Variants in CRIM1 observed in about 807,000 individuals in gnomAD.
CRIM1 encodes cysteine-rich motor neuron 1 protein.
CRIM1 carries 32 observed loss-of-function variants against 116.4 expected under a neutral mutation model. The observed-to-expected ratio is 0.27, with a 90% confidence interval of 0.21 to 0.37. The LOEUF (loss-of-function observed/expected upper bound fraction) is 0.37. Ranked by LOEUF, CRIM1 falls within the 10% of genes least tolerant of loss-of-function variation. The pLI is 1.00. For missense variants in CRIM1, 1,331 were observed against 1,354.8 expected (o/e 0.98, Z 0.28); for synonymous variants, 590 against 509.2 (o/e 1.16, Z -2.13).
chr2:36,411,374 A>G (rs1415088278), intron 2 of CRIM1, among the ~76,000 whole-genome samples: 9 of 152,214 alleles, frequency 5.9e-5, no homozygotes, highest in Admixed American at 5.2e-4. Context: ...TCCTTTTGAT[A>G]TATCAAGAAC....
rs1670501317 is a variant in CRIM1, at chr2:36,378,656, A to G, written c.332-17958A>G. On this transcript the variant is annotated intron_variant, in intron 1 of 16. Coordinates refer to ENST00000280527, the MANE Select transcript of CRIM1 (RefSeq NM_016441.3). ...TGGGGACTGCTGTCCTAAAGGTAAA[A>G]GATTTTGATCCAGAGGTTGGATTGT... 11 of 201,788 alleles carry G rather than the reference A, an allele frequency of 5.5e-5. No individual in the cohort carries two copies. The South Asian group carries it at 1.1e-3, about 20-fold the overall frequency. 12.5% of individuals were successfully genotyped at this position (201,788 alleles called of 1,614,324 possible).
At chr2:36,498,575 C>T (rs1680764139) in intron 7 of CRIM1, among the ~76,000 whole-genome samples, 1 of 152,106 alleles carries the variant, frequency 6.6e-6, no homozygotes, top group African/African-American at 2.4e-5. Context: ...GTTTAGTGCC[C>T]TTATTCCCAG....
intron 1 of CRIM1, among the ~76,000 whole-genome samples, chr2:36,368,864 A>C (rs1276209120): frequency 2.0e-5 from 3 of 152,204 alleles, no homozygotes; most frequent in Non-Finnish European, 2.9e-5. Flanking sequence ...CAATCTGTGA[A>C]ATTGTTAAAA....
chr2:36,372,792 A>G (rs1187325134), intron 1 of CRIM1, among the ~76,000 whole-genome samples: 2 of 152,112 alleles, frequency 1.3e-5, no homozygotes, highest in Non-Finnish European at 2.9e-5. Flanking sequence ...AGATCCTTTT[A>G]TTGGTCATCA....
At chr2:36,493,589 C>A (rs1204649297) in intron 7 of CRIM1, among the ~76,000 whole-genome samples, 1 of 152,216 alleles carries the variant, frequency 6.6e-6, no homozygotes, top group East Asian at 1.9e-4. Flanking sequence ...TACTCAAGAA[C>A]TGCTAATTGG....
intron 8 of CRIM1, among the ~76,000 whole-genome samples, chr2:36,501,157 G>C (rs1348913799): frequency 6.6e-6 from 1 of 152,118 alleles, no homozygotes; most frequent in Admixed American, 6.5e-5. Context: ...CTCACACACA[G>C]TACTGGTTCT....
chr2:36,523,579 C>T (rs970574523), intron 13 of CRIM1, among the ~76,000 whole-genome samples: 10 of 152,216 alleles, frequency 6.6e-5, no homozygotes, highest in Non-Finnish European at 8.8e-5. Flanking sequence ...TCCAGTAAAG[C>T]TCAAAGTCAA....
Position 36,430,029 on chromosome 2 carries a change from G to C in CRIM1, c.506-11229G>C, listed in dbSNP as rs574923598. ...GGAGTGTAAGTACTGTACCTCCTGT[G>C]TTTGGGACCAAGGGTGTATCTAGCC... is the stretch of plus-strand genomic sequence containing the variant. On this transcript the variant is annotated intron_variant, in intron 2 of 16. Coordinates refer to ENST00000280527, the MANE Select transcript of CRIM1 (RefSeq NM_016441.3). Among the ~76,000 whole-genome samples the C allele has an allele frequency of 3.9e-5, 6 of 152,342 alleles. No individual in the cohort carries two copies. In the South Asian group the frequency reaches 1.2e-3, roughly 32 times the overall value.
chr2:36,532,041 A>G, intron 13 of CRIM1: 1 of 469,162 alleles, frequency 2.1e-6, no homozygotes, highest in Non-Finnish European at 4.4e-6. Flanking sequence ...GCCAAAAGTC[A>G]TTTCAAACTG....
intron 4 of CRIM1, among the ~76,000 whole-genome samples, chr2:36,446,231 G>T (rs1436028019): frequency 6.6e-6 from 1 of 152,088 alleles, no homozygotes; most frequent in African/African-American, 2.4e-5. Context: ...CATCCAAATG[G>T]AATTGCCCTT....
chr2:36,468,197 C>G (rs892696044), intron 5 of CRIM1, among the ~76,000 whole-genome samples: 1 of 152,178 alleles, frequency 6.6e-6, no homozygotes, highest in African/African-American at 2.4e-5. Flanking sequence ...CACTGCCGCA[C>G]TCACTTCCTA....
rs1222847496 is a variant in CRIM1, at chr2:36,547,092, C to T, written c.2855C>T (p.Ser952Phe). 11 of 1,611,978 alleles carry T rather than the reference C, an allele frequency of 6.8e-6. No homozygotes were observed. In the South Asian group the frequency reaches 1.2e-4, roughly 18 times the overall value. ...GTGGTTCCCATAATTATATGCCTCT[C>T]TATTATAATAGCATTCCTATTCATC... ...SVVVPIIICLSIIIAFLFINQ... is the reference protein window; with the variant it reads ...SVVVPIIICLFIIIAFLFINQ... The change falls in exon 16 of 17, where the codon TCT (serine) becomes TTT (phenylalanine). Residue 952 changes from serine to phenylalanine, a missense_variant. Ser to Phe is a radical substitution (Grantham distance 155, BLOSUM62 -2). Transcript: ENST00000280527.
chr2:36,484,889 T>G (rs1256699644), intron 7 of CRIM1, among the ~76,000 whole-genome samples: 2 of 152,222 alleles, frequency 1.3e-5, no homozygotes, highest in Non-Finnish European at 2.9e-5. Flanking sequence ...AATGGGTAGT[T>G]TCCCCTCTAC....
chr2:36,395,296 C>A (rs932772539), intron 1 of CRIM1, among the ~76,000 whole-genome samples: 12 of 152,104 alleles, frequency 7.9e-5, no homozygotes, highest in Non-Finnish European at 1.5e-4. Context: ...GCCACCACTC[C>A]CAGCCAAAAA....
At chr2:36,499,424 C>T (rs1193302816) in intron 8 of CRIM1, 77 bp downstream of exon 8, 1 of 1,434,612 alleles carries the variant, frequency 7.0e-7, no homozygotes, top group Non-Finnish European at 9.6e-7. Context: ...AATTGAATAT[C>T]TTTTTCACTT....
chr2:36,520,617 T>C (rs1665323060), intron 12 of CRIM1, among the ~76,000 whole-genome samples: 1 of 152,232 alleles, frequency 6.6e-6, no homozygotes, highest in Admixed American at 6.5e-5. Flanking sequence ...TTATGCCTGC[T>C]GCCTTTGGGA....
chr2:36,544,122 G>A (rs770253482), intron 14 of CRIM1, among the ~76,000 whole-genome samples: 12 of 152,252 alleles, frequency 7.9e-5, no homozygotes, highest in South Asian at 2.1e-4. Context: ...ACCATTTGAC[G>A]TGAAAAAGCA....
intron 13 of CRIM1, among the ~76,000 whole-genome samples, chr2:36,534,548 AGAGG>A (rs768163679): frequency 2.8e-5 from 3 of 108,410 alleles, no homozygotes; most frequent in Non-Finnish European, 5.5e-5. Context: ...AGGAAGGGAG[AGAGG>A]GAGGGACAGG....
chr2:36,475,447 G>A (rs147062441), intron 5 of CRIM1, among the ~76,000 whole-genome samples: 14 of 152,254 alleles, frequency 9.2e-5, no homozygotes, highest in African/African-American at 2.9e-4. Flanking sequence ...CAACCTTGTT[G>A]AACTTGTTTA....
Sources: allele counts gnomAD v4.1 joint callset (sites outside exome capture counted in the v4.1 genomes callset), GRCh38; gene constraint gnomAD v4.1.1; transcripts MANE v1.5; gene names NCBI Gene and HGNC (gene_info 2026-07-23, HGNC 2026-07-21).